Variants in TARS2 observed in about 807,000 individuals in gnomAD.
The protein encoded by TARS2 is threonine--tRNA ligase, mitochondrial.
TARS2 carries 61 observed loss-of-function variants against 94.4 expected under a neutral mutation model. That is an observed-to-expected ratio of 0.65 (90% confidence interval 0.53 to 0.80). The LOEUF (loss-of-function observed/expected upper bound fraction) is 0.80, where lower values mean the gene tolerates loss of function less well. TARS2 is among the 30% of genes least tolerant of loss of function. The probability of loss-of-function intolerance (pLI) is 0.00; values close to 1 mark genes in which losing one functional copy is unlikely to be tolerated. For missense variants in TARS2, 704 were observed against 902.5 expected (o/e 0.78, Z 2.82); for synonymous variants, 359 against 353.4 (o/e 1.02, Z -0.18).
chr1:150,497,293 A>T (rs1004108205), intron 9 of TARS2, among the ~76,000 whole-genome samples: 1 of 152,080 alleles, frequency 6.6e-6, no homozygotes, highest in Non-Finnish European at 1.5e-5. Context: ...TTGAAGAGAA[A>T]AAAAAAGGTG....
chr1:150,488,142 C>T, intron 2 of TARS2, 88 bp downstream of exon 2: 1 of 1,460,732 alleles, frequency 6.8e-7, no homozygotes, highest in Non-Finnish European at 9.3e-7. Flanking sequence ...ACTTGGTCTG[C>T]TTGTTTCTGT....
rs1329557604 is a variant in TARS2 at position 150,505,584 on chromosome 1, G to A, written c.1894-7G>A. ...ATTAACTTCCTGTCACCAAACCTCT[G>A]TTGCAGGCACAGCAGAGCCTGCGGG... On this transcript the variant is annotated splice_polypyrimidine_tract_variant and splice_region_variant and intron_variant, in intron 16 of 17. Transcript: ENST00000369064. 5 of 1,612,586 alleles carry A rather than the reference G, an allele frequency of 3.1e-6. No individual in the cohort carries two copies. Among genetic ancestry groups the A allele is most frequent in the Admixed American group, 1.7e-5 (1 of 59,996 alleles).
At position 150,506,887 on chromosome 1, in the gene TARS2, T is replaced by C. The variant is rs1670248555; in HGVS notation, c.2009-29T>C. 4.3e-6 allele frequency: 7 copies of C among 1,613,064 alleles called. No homozygotes were observed. The East Asian group carries it at 1.6e-4, about 36-fold the overall frequency. On this transcript the variant is annotated intron_variant, in intron 17 of 17. Transcript: ENST00000369064. ...CTGTTCCATGTGGGTGAATTTGCCC[T>C]GAGGTTCCCAAACTTCCTCTACCTG...
chr1:150,503,311 A>T (rs1466496002), intron 13 of TARS2, among the ~76,000 whole-genome samples: 1 of 152,174 alleles, frequency 6.6e-6, no homozygotes, highest in South Asian at 2.1e-4. Flanking sequence ...TTCATGGGAT[A>T]AGAAACAAAG....
intron 14 of TARS2, 21 bp from the exon 15 acceptor site, chr1:150,504,611 C>A: frequency 5.0e-6 from 8 of 1,609,172 alleles, no homozygotes; most frequent in Non-Finnish European, 6.8e-6. Flanking sequence ...TTCCATCCAC[C>A]CCCCCCTTTT....
chr1:150,500,721 C>T (rs1269594884), intron 13 of TARS2, among the ~76,000 whole-genome samples: 1 of 151,956 alleles, frequency 6.6e-6, no homozygotes, highest in Non-Finnish European at 1.5e-5. Context: ...AAAATTAGCC[C>T]AGCGTGGTGA....
intron 9 of TARS2, 128 bp from the exon 10 acceptor site, chr1:150,497,402 A>G (rs989387666): frequency 3.9e-5 from 30 of 766,316 alleles, no homozygotes; most frequent in Admixed American, 2.5e-4. Flanking sequence ...TAGAGATGGG[A>G]CCTGGTATTT....
chr1:150,496,874 C>T lies in TARS2; in HGVS notation c.986C>T (p.Thr329Ile), dbSNP rs750062460. The T allele has an allele frequency of 2.5e-6, 4 of 1,613,886 alleles. No homozygotes were observed. The African/African-American group carries it at 5.3e-5, about 22-fold the overall frequency. Residue 329 changes from threonine (T) to isoleucine (I), a missense_variant, in exon 9 of 18, where the codon ACA (threonine) becomes ATA (isoleucine). Physicochemically the swap from Thr to Ile is moderately conservative, Grantham distance 89. Transcript: ENST00000369064. ...PGSCFFLPRG[T>I]RVYNALVAFI... is the part of the protein sequence containing the mutation. ...AGCTGCTTCTTCCTGCCACGAGGGA[C>T]AAGGGTGTATAATGCACTAGTGGCG...
At chr1:150,497,007 GCA>G in intron 9 of TARS2, 99 bp downstream of exon 9, 1 of 1,128,260 alleles carries the variant, frequency 8.9e-7, no homozygotes, top group Middle Eastern at 2.2e-4. Flanking sequence ...TTGGGGCCGG[GCA>G]CAGTGGCTCA....
rs587597907 is a variant in TARS2 at position 150,504,350 on chromosome 1, C to T, written c.1633C>T (p.His545Tyr). ...FYGPKIDVHL[H>Y]DALGRPHQCG... Reference sequence around the variant, plus strand: ...TTTCCTGTAGATTGACGTGCACCTCCACGATGCCCTGGGCCGGCCACATCA... The same window carrying T: ...TTTCCTGTAGATTGACGTGCACCTCTACGATGCCCTGGGCCGGCCACATCA... The change falls in exon 14 of 18, where the codon CAC becomes TAC. Residue 545 changes from histidine (H) to tyrosine (Y), a missense_variant. Physicochemically the swap from His to Tyr is moderately conservative, Grantham distance 83. This residue lies in a region of TARS2 where 466 missense variants were observed against 609.5 expected (regional missense o/e 0.76). Transcript: ENST00000369064. The T allele has an allele frequency of 1.2e-6, 2 of 1,614,068 alleles. No homozygotes were observed. Among genetic ancestry groups the T allele is most frequent in the East Asian group, 2.2e-5 (1 of 44,874 alleles).
chr1:150,506,482 G>GTGCA (rs1670211823), intron 17 of TARS2, among the ~76,000 whole-genome samples: 2 of 29,906 alleles, frequency 6.7e-5, no homozygotes, highest in Non-Finnish European at 1.8e-4. Flanking sequence ...TCAGACACGC[G>GTGCA]CGCGCACACA....
chr1:150,490,954 C>A (rs1669355639), intron 4 of TARS2, among the ~76,000 whole-genome samples: 1 of 151,916 alleles, frequency 6.6e-6, no homozygotes, highest in Non-Finnish European at 1.5e-5. Context: ...ACTTGGGAGG[C>A]TGAGGTGGAA....
intron 16 of TARS2, 36 bp downstream of exon 16, chr1:150,505,014 G>A: frequency 6.2e-7 from 1 of 1,609,314 alleles, no homozygotes; most frequent in Non-Finnish European, 8.5e-7. Context: ...GCAGAAGCAG[G>A]TCCAGTAGAG....
rs939923063 is a variant in TARS2 at position 150,501,880 on chromosome 1, A to G, written c.1618-2455A>G. Among the ~76,000 whole-genome samples the G allele has an allele frequency of 7.3e-5, 11 of 150,704 alleles. 1 individual carries two copies. Among genetic ancestry groups the G allele is most frequent in the African/African-American group, 2.7e-4 (11 of 40,780 alleles). Reference sequence around the variant, plus strand: ...ACTCAAGAACTGTTATATAGCTAAAATCTTTTTTTTGTTTGTTTTGTTTTA... The same window carrying G: ...ACTCAAGAACTGTTATATAGCTAAAGTCTTTTTTTTGTTTGTTTTGTTTTA... On this transcript the variant is annotated intron_variant, in intron 13 of 17. Coordinates refer to ENST00000369064, the MANE Select transcript of TARS2 (RefSeq NM_025150.5).
At chr1:150,496,963 A>G in intron 9 of TARS2, 55 bp downstream of exon 9, 1 of 1,550,806 alleles carries the variant, frequency 6.4e-7, no homozygotes, top group Non-Finnish European at 8.9e-7. Flanking sequence ...GAGGGACTAG[A>G]AGAAGCTAAG....
At position 150,504,617 on chromosome 1, in the gene TARS2, C is replaced by T. The variant is rs3738488; in HGVS notation, c.1719-15C>T. 1.2e-6 allele frequency: 2 copies of T among 1,611,922 alleles called. No individual in the cohort carries two copies. Among genetic ancestry groups the T allele is most frequent in the South Asian group, 1.1e-5 (1 of 90,900 alleles). On this transcript the variant is annotated splice_polypyrimidine_tract_variant and intron_variant, in intron 14 of 17. Coordinates refer to ENST00000369064, the MANE Select transcript of TARS2 (RefSeq NM_025150.5). ...CTTCCACCATTCCATCCACCCCCCC[C>T]TTTTTCCTTTCAAGGCAGGCGGGTG...
Position 150,490,114 on chromosome 1 carries a change from C to CTTTTTTTT in TARS2, c.388-472_388-465dup, listed in dbSNP as rs772454527. Among the ~76,000 whole-genome samples the CTTTTTTTT allele has an allele frequency of 7.5e-4, 60 of 80,192 alleles. 4 individuals are homozygous for CTTTTTTTT. The highest frequency in any genetic ancestry group is 9.1e-4 in the Non-Finnish European group (40 of 44,146). The allele number at this position is 80,192 out of a possible 152,430, so 52.6% of individuals were successfully genotyped here. ...TGGCCTTCTTTCTTTTCTATTCAGT[C>CTTTTTTTT]TTTTTTTTTTTTTTTTTTTTTTGAG... On this transcript the variant is annotated intron_variant, in intron 3 of 17. Coordinates refer to ENST00000369064, the MANE Select transcript of TARS2 (RefSeq NM_025150.5).
At position 150,507,185 on chromosome 1, in the gene TARS2, T is replaced by C; in HGVS notation, c.*121T>C. The C allele has an allele frequency of 7.5e-7, 1 of 1,340,428 alleles. No individual in the cohort carries two copies. Among genetic ancestry groups the C allele is most frequent in the Admixed American group, 2.5e-5 (1 of 39,738 alleles). The allele number at this position is 1,340,428 out of a possible 1,614,324, so 83.0% of individuals were successfully genotyped here. On this transcript the variant is annotated 3_prime_UTR_variant, in exon 18 of 18. Coordinates refer to ENST00000369064, the MANE Select transcript of TARS2 (RefSeq NM_025150.5). The stretch of plus-strand genomic sequence containing the variant: ...CTTCAGAACTGTGTGGAGGCACATG[T>C]CTGCTCTCCTGAAAAGAGACTTGGT...
At position 150,505,656 on chromosome 1, in the gene TARS2, C is replaced by T. The variant is rs1228504342; in HGVS notation, c.1959C>T (p.Leu653=). Residue 653 remains leucine (L), a synonymous_variant, in exon 17 of 18, where the codon CTC becomes CTT. Transcript: ENST00000369064. ...SDLDADSGLT[L]SRRIRRAQLA... ...TGGATGCAGACTCTGGACTGACCCT[C>T]AGCCGGAGAATCCGCCGGGCCCAGC... 1 of 1,614,210 alleles carries T rather than the reference C, an allele frequency of 6.2e-7. No individual in the cohort carries two copies. Among genetic ancestry groups the T allele is most frequent in the African/African-American group, 1.3e-5 (1 of 75,056 alleles).
Sources: gnomAD v4.1 joint callset for allele counts (sites outside exome capture counted in the v4.1 genomes callset) on GRCh38, gnomAD v4.1.1 for gene constraint, gnomAD v4.1.1 regional missense constraint, MANE v1.5 for transcripts, NCBI Gene and HGNC (gene_info 2026-07-23, HGNC 2026-07-21) for gene names.